Variants in NRG1 observed in about 807,000 individuals in gnomAD.
NRG1 encodes neuregulin 1.
NRG1 carries 18 observed loss-of-function variants against 63.8 expected under a neutral mutation model. That is an observed-to-expected ratio of 0.28 (90% CI 0.19 to 0.42). The LOEUF (loss-of-function observed/expected upper bound fraction) is 0.42, where lower values mean the gene tolerates loss of function less well. Ranked by LOEUF, NRG1 falls within the 10% of genes least tolerant of loss-of-function variation. The probability of loss-of-function intolerance (pLI) is 1.00; values close to 1 mark genes in which losing one functional copy is unlikely to be tolerated. For synonymous variants in NRG1, 302 were observed against 301.3 expected (o/e 1.00, Z -0.02); for missense variants, 762 against 814.7 (o/e 0.94, Z 0.79).
intron 1 of NRG1, among the ~76,000 whole-genome samples, chr8:32,510,773 C>T (rs760900014): frequency 5.9e-5 from 9 of 152,012 alleles, no homozygotes; most frequent in South Asian, 2.1e-4. Context: ...TTCAGTAATC[C>T]GGAAGATGGC....
chr8:32,300,697 G>A (rs1321349680), intron 1 of NRG1, among the ~76,000 whole-genome samples: 1 of 152,182 alleles, frequency 6.6e-6, no homozygotes, highest in African/African-American at 2.4e-5. Flanking sequence ...GATTGGATTA[G>A]CTAGAGCTAT....
chr8:31,906,135 T>G (rs562593747), intron 1 of NRG1, among the ~76,000 whole-genome samples: 1 of 152,326 alleles, frequency 6.6e-6, no homozygotes, highest in South Asian at 2.1e-4. Flanking sequence ...CCCATGTGAC[T>G]GTCATCTAGC....
chr8:32,741,028 C>G (rs1356786282), intron 6 of NRG1, among the ~76,000 whole-genome samples: 1 of 152,008 alleles, frequency 6.6e-6, no homozygotes, highest in Non-Finnish European at 1.5e-5. Context: ...ATATTGCTTC[C>G]TAGAACCTTT....
chr8:32,507,564 A>G (rs186408955), intron 1 of NRG1, among the ~76,000 whole-genome samples: 5 of 152,316 alleles, frequency 3.3e-5, no homozygotes, highest in African/African-American at 1.2e-4. Context: ...CTGGCAAAAA[A>G]CAAAACAACA....
chr8:32,566,154 C>T (rs1274723380), intron 1 of NRG1, among the ~76,000 whole-genome samples: 5 of 152,038 alleles, frequency 3.3e-5, no homozygotes, highest in South Asian at 4.2e-4. Context: ...GTCAGGAGTT[C>T]GTGACCAGCC....
intron 6 of NRG1, among the ~76,000 whole-genome samples, chr8:32,734,992 T>C (rs1032300456): frequency 2.6e-5 from 4 of 152,148 alleles, no homozygotes; most frequent in African/African-American, 9.7e-5. Flanking sequence ...ATGTAATTAA[T>C]TGAATTATAA....
chr8:32,470,751 A>T (rs953740866), intron 1 of NRG1, among the ~76,000 whole-genome samples: 1 of 151,612 alleles, frequency 6.6e-6, no homozygotes, highest in African/African-American at 2.4e-5. Context: ...GTTTTTGCTA[A>T]TCTTTTAGGA....
chr8:32,118,543 G>T (rs568409771), intron 1 of NRG1, among the ~76,000 whole-genome samples: 1 of 152,154 alleles, frequency 6.6e-6, no homozygotes, highest in African/African-American at 2.4e-5. Flanking sequence ...TGAGCCTCAG[G>T]TATTCTTTTA....
At chr8:32,016,413 A>T (rs1474913001) in intron 1 of NRG1, among the ~76,000 whole-genome samples, 5 of 152,078 alleles carry the variant, frequency 3.3e-5, no homozygotes, top group African/African-American at 1.2e-4. Context: ...TAATTTATTT[A>T]GTGCTTTAAA....
chr8:32,559,058 G>A (rs2129526423), intron 1 of NRG1, among the ~76,000 whole-genome samples: 1 of 137,146 alleles, frequency 7.3e-6, no homozygotes, highest in East Asian at 2.1e-4. Flanking sequence ...TCCAGTCTAG[G>A]TGACAGTGTA....
At chr8:32,219,804 A>T (rs1475668963) in intron 1 of NRG1, among the ~76,000 whole-genome samples, 1 of 152,212 alleles carries the variant, frequency 6.6e-6, no homozygotes, top group East Asian at 1.9e-4. Context: ...TAGTAGTCAA[A>T]GCCATGTCTA....
chr8:32,763,237 CT>C, intron 11 of NRG1: 2 of 1,613,916 alleles, frequency 1.2e-6, no homozygotes, highest in Non-Finnish European at 1.7e-6. Context: ...TATAGCTGAG[CT>C]AAGGAGAAAC....
At chr8:32,708,246 A>G (rs192713594) in intron 5 of NRG1, among the ~76,000 whole-genome samples, 1 of 152,294 alleles carries the variant, frequency 6.6e-6, no homozygotes, top group African/African-American at 2.4e-5. Flanking sequence ...AAATAAAATA[A>G]TGCATAGAAG....
intron 1 of NRG1, among the ~76,000 whole-genome samples, chr8:32,085,106 A>C (rs932507286): frequency 6.6e-6 from 1 of 152,202 alleles, no homozygotes; most frequent in African/African-American, 2.4e-5. Flanking sequence ...GAGGGAAAGA[A>C]ATATCTGTAA....
chr8:32,548,337 C>G (rs1833357553), exon 1 of NRG1: 1 of 1,004,354 alleles, frequency 1.0e-6, no homozygotes, highest in Non-Finnish European at 1.2e-6. Context: ...CGGGCTCGCG[C>G]GGAGGCCAGG....
chr8:32,548,626 C>G, exon 1 of NRG1: 1 of 1,438,592 alleles, frequency 7.0e-7, no homozygotes, highest in Non-Finnish European at 9.1e-7. Flanking sequence ...CGCTCGCTCT[C>G]CCCCTCGAGG....
chr8:31,952,500 A>G (rs1174746071), intron 1 of NRG1, among the ~76,000 whole-genome samples: 6 of 152,366 alleles, frequency 3.9e-5, no homozygotes, highest in Middle Eastern at 6.8e-3. Context: ...TAAGTTAGGA[A>G]AAGTACCACC....
At chr8:32,040,727 TATATATATATGAAATTTAGGCGC>T in intron 1 of NRG1, among the ~76,000 whole-genome samples, 1 of 113,676 alleles carries the variant, frequency 8.8e-6, no homozygotes, top group South Asian at 2.7e-4. Context: ...TATATATATA[TATATATATATGAAATTTAGGCGC>T]ATATATATAT....
At chr8:32,340,935 C>A (rs1284084901) in intron 1 of NRG1, among the ~76,000 whole-genome samples, 1 of 152,146 alleles carries the variant, frequency 6.6e-6, no homozygotes, top group Non-Finnish European at 1.5e-5. Flanking sequence ...AAGATGAGTG[C>A]TTGAAACAGA....
Sources: allele counts gnomAD v4.1 joint callset (sites outside exome capture counted in the v4.1 genomes callset), GRCh38; gene constraint gnomAD v4.1.1; transcripts MANE v1.5; gene names NCBI Gene and HGNC (gene_info 2026-07-23, HGNC 2026-07-21).